The following GALNT13 variants were observed in gnomAD, a reference collection of about 807,000 sequenced individuals.
GALNT13 encodes polypeptide N-acetylgalactosaminyltransferase 13.
A neutral mutation model predicts 64.2 loss-of-function variants in GALNT13; 28 were observed. The ratio of observed to expected loss-of-function variants is 0.44; its 90% CI spans 0.32 to 0.60. The LOEUF is 0.60. GALNT13 is among the 20% of genes least tolerant of loss of function. The pLI, the probability that GALNT13 is intolerant of heterozygous loss-of-function variation, is 0.05. For missense variants in GALNT13, 577 were observed against 669.8 expected, an observed-to-expected ratio of 0.86 and a Z score of 1.53; for synonymous variants, 214 against 224.6, an observed-to-expected ratio of 0.95 and a Z score of 0.42.
chr2:153,503,837 C>A, the GALNT13 span, among the ~76,000 whole-genome samples: 1 of 152,050 alleles, frequency 6.6e-6, no homozygotes, highest in Non-Finnish European at 1.5e-5. Context: ...CAGATTTGTT[C>A]TTTTTGCTTG....
the GALNT13 span, among the ~76,000 whole-genome samples, chr2:153,767,734 C>T: frequency 6.6e-6 from 1 of 151,344 alleles, no homozygotes; most frequent in Non-Finnish European, 1.5e-5. Context: ...TGTTTGTTAG[C>T]CACTTGTATG....
At chr2:154,192,437 A>G (rs771665444) in intron 4 of GALNT13, among the ~76,000 whole-genome samples, 39 of 151,298 alleles carry the variant, frequency 2.6e-4, no homozygotes, top group Non-Finnish European at 4.3e-4. Context: ...TCCCTGCCCC[A>G]CTCCTGTATC....
At chr2:153,241,850 A>AAT in the GALNT13 span, among the ~76,000 whole-genome samples, 1 of 152,008 alleles carries the variant, frequency 6.6e-6, no homozygotes, top group Non-Finnish European at 1.5e-5. Flanking sequence ...GGTATCATAG[A>AAT]ATAGTATGTG....
chr2:153,739,021 T>G, the GALNT13 span, among the ~76,000 whole-genome samples: 46 of 151,938 alleles, frequency 3.0e-4, no homozygotes, highest in African/African-American at 1.1e-3. Context: ...GTGTATCTAT[T>G]CATTCATCCA....
the GALNT13 span, among the ~76,000 whole-genome samples, chr2:153,336,021 A>G: frequency 3.9e-5 from 6 of 152,188 alleles, no homozygotes; most frequent in African/African-American, 7.2e-5. Flanking sequence ...GGCATCTTCC[A>G]TATGGTCTTG....
chr2:153,178,502 A>G, the GALNT13 span, among the ~76,000 whole-genome samples: 1 of 152,022 alleles, frequency 6.6e-6, no homozygotes, highest in Non-Finnish European at 1.5e-5. Flanking sequence ...CCATTTCTTA[A>G]TTATCTTTGA....
At chr2:153,752,280 T>A in the GALNT13 span, among the ~76,000 whole-genome samples, 1 of 152,172 alleles carries the variant, frequency 6.6e-6, no homozygotes, top group East Asian at 1.9e-4. Flanking sequence ...ACAGTTACAG[T>A]TTTACAATTT....
chr2:154,445,923 A>T lies in GALNT13; in HGVS notation c.1531-4488A>T. 4.8e-6 allele frequency: 3 copies of T among 623,486 alleles called. 1 individual carries two copies. Among genetic ancestry groups the T allele is most frequent in the South Asian group, 4.6e-5 (3 of 64,864 alleles). 38.6% of individuals were successfully genotyped at this position (623,486 alleles called of 1,614,324 possible). The stretch of plus-strand genomic sequence containing the variant: ...TAGATGGAGAGCAAGAAACAGACAG[A>T]TAAATTAATTAATTAAAATTGTTTG... On this transcript the variant is annotated intron_variant, in intron 12 of 12. Transcript: ENST00000392825.
intron 3 of GALNT13, among the ~76,000 whole-genome samples, chr2:154,075,437 A>G (rs1700938118): frequency 6.6e-6 from 1 of 151,844 alleles, no homozygotes; most frequent in African/African-American, 2.4e-5. Flanking sequence ...TCATTATAAA[A>G]TTAATGCATG....
chr2:154,046,530 G>T (rs1414775167), intron 3 of GALNT13, among the ~76,000 whole-genome samples: 1 of 152,062 alleles, frequency 6.6e-6, no homozygotes, highest in Non-Finnish European at 1.5e-5. Context: ...AAAGTTCTGG[G>T]CACTTTAAGC....
the GALNT13 span, among the ~76,000 whole-genome samples, chr2:153,112,378 T>C: frequency 1.3e-5 from 2 of 152,120 alleles, no homozygotes; most frequent in African/African-American, 4.8e-5. Context: ...CTGGGTGTGT[T>C]AGTCTGTCTA....
At chr2:153,945,129 A>T (rs921970953) in intron 3 of GALNT13, among the ~76,000 whole-genome samples, 3 of 152,218 alleles carry the variant, frequency 2.0e-5, no homozygotes, top group African/African-American at 7.2e-5. Context: ...GGCGGTATGC[A>T]GATTTACCAG....
the GALNT13 span, among the ~76,000 whole-genome samples, chr2:153,795,339 G>A: frequency 1.3e-5 from 2 of 152,070 alleles, no homozygotes; most frequent in Non-Finnish European, 2.9e-5. Context: ...CTTGACTAAG[G>A]TAGTGGAAAA....
chr2:153,929,067 C>A (rs1465637236), intron 2 of GALNT13, among the ~76,000 whole-genome samples: 1 of 152,164 alleles, frequency 6.6e-6, no homozygotes, highest in Non-Finnish European at 1.5e-5. Context: ...TTTCATACAT[C>A]ATTTTCTTAT....
At chr2:154,081,599 C>G (rs926670297) in intron 3 of GALNT13, among the ~76,000 whole-genome samples, 3 of 151,552 alleles carry the variant, frequency 2.0e-5, no homozygotes, top group Admixed American at 1.3e-4. Flanking sequence ...GTGAACGTGC[C>G]CTGAAAATAC....
the GALNT13 span, among the ~76,000 whole-genome samples, chr2:153,688,240 C>T: frequency 6.6e-6 from 1 of 151,790 alleles, no homozygotes; most frequent in African/African-American, 2.4e-5. Flanking sequence ...ACTGTGTGAC[C>T]TACAAAACCT....
At chr2:153,184,737 G>A in the GALNT13 span, among the ~76,000 whole-genome samples, 1 of 151,978 alleles carries the variant, frequency 6.6e-6, no homozygotes. Flanking sequence ...ATGTGGTTTT[G>A]TCTTGAGTTC....
At chr2:153,075,188 G>A in the GALNT13 span, among the ~76,000 whole-genome samples, 4 of 152,174 alleles carry the variant, frequency 2.6e-5, no homozygotes, top group Non-Finnish European at 5.9e-5. Context: ...GAAATCAGCT[G>A]TCTTTCTAAA....
the GALNT13 span, among the ~76,000 whole-genome samples, chr2:153,316,371 G>A: frequency 1.3e-5 from 2 of 152,074 alleles, no homozygotes; most frequent in Admixed American, 1.3e-4. Context: ...GGCCTGGCAT[G>A]GTGGCTCAAG....
Sources: allele counts gnomAD v4.1 joint callset (sites outside exome capture counted in the v4.1 genomes callset), GRCh38; gene constraint gnomAD v4.1.1; transcripts MANE v1.5; gene names NCBI Gene and HGNC (gene_info 2026-07-23, HGNC 2026-07-21).